Variants in ROBO2 observed in about 807,000 individuals in gnomAD.
ROBO2 encodes roundabout guidance receptor 2.
In ROBO2, 53 loss-of-function variants were observed where a neutral mutation model predicts 160.8. The observed-to-expected ratio is 0.33, with a 90% CI of 0.26 to 0.41. ROBO2 has a LOEUF of 0.41. Ranked by LOEUF, ROBO2 falls within the 10% of genes least tolerant of loss-of-function variation. The pLI is 1.00. For synonymous variants in ROBO2, 664 were observed against 611.7 expected, an observed-to-expected ratio of 1.09 and a Z score of -1.26; for missense variants, 1,577 against 1,722.4, an observed-to-expected ratio of 0.92 and a Z score of 1.49.
intron 2 of ROBO2, among the ~76,000 whole-genome samples, chr3:76,974,720 T>C (rs1577971437): frequency 6.6e-6 from 1 of 152,330 alleles, no homozygotes; most frequent in South Asian, 2.1e-4. Context: ...GCTCGAAATG[T>C]GCCTCTTTAC....
chr3:76,414,181 C>G (rs1432431141), intron 2 of ROBO2, among the ~76,000 whole-genome samples: 1 of 152,164 alleles, frequency 6.6e-6, no homozygotes, highest in Admixed American at 6.5e-5. Flanking sequence ...ATGGGGAATT[C>G]TGGGAGATAC....
intron 4 of ROBO2, among the ~76,000 whole-genome samples, chr3:77,491,048 C>T (rs1188353890): frequency 6.6e-6 from 1 of 152,228 alleles, no homozygotes; most frequent in Non-Finnish European, 1.5e-5. Flanking sequence ...CAGGGCAGAG[C>T]TCACAGTCCT....
At position 76,225,318 on chromosome 3, in the gene ROBO2, T is replaced by C. The variant is rs565560971; in HGVS notation, c.109+287716T>C. On this transcript the variant is annotated intron_variant, in intron 2 of 26. Transcript: ENST00000487694. ...TGTCAATGTCTTATGTTATAGCCCA[T>C]TGCAAAATATGTGTGTATTAATTTT... 3.9e-5 allele frequency among the ~76,000 whole-genome samples: 6 copies of C among 152,330 alleles called. No individual in the cohort carries two copies. The South Asian group carries it at 1.0e-3, about 26-fold the overall frequency.
chr3:75,949,608 A>G (rs1948460450), intron 2 of ROBO2, among the ~76,000 whole-genome samples: 1 of 152,212 alleles, frequency 6.6e-6, no homozygotes, highest in South Asian at 2.1e-4. Context: ...CAAAAACTCA[A>G]AACTAACATT....
chr3:77,546,299 G>A, intron 6 of ROBO2, 39 bp from the exon 8 acceptor site: 1 of 1,608,978 alleles, frequency 6.2e-7, no homozygotes, highest in East Asian at 2.2e-5. Context: ...ATTTGTCTAT[G>A]GTTGATATTT....
intron 2 of ROBO2, among the ~76,000 whole-genome samples, chr3:76,980,920 AATTGATT>A (rs1274434223): frequency 6.6e-6 from 1 of 152,198 alleles, no homozygotes; most frequent in Non-Finnish European, 1.5e-5. Flanking sequence ...ATTTTATGTA[AATTGATT>A]CATATAATAT....
At chr3:77,051,292 T>C (rs2065207339) in intron 1 of ROBO2, among the ~76,000 whole-genome samples, 1 of 152,222 alleles carries the variant, frequency 6.6e-6, no homozygotes, top group Non-Finnish European at 1.5e-5. Flanking sequence ...GTACAACATG[T>C]GGGTACAGAT....
At chr3:76,938,331 AGACAGAGCAAGACTCC>A (rs2077874968) in intron 2 of ROBO2, among the ~76,000 whole-genome samples, 4 of 151,614 alleles carry the variant, frequency 2.6e-5, no homozygotes, top group Non-Finnish European at 5.9e-5. Context: ...TCCAGCCTGG[AGACAGAGCAAGACTCC>A]GTCCCCCACC....
At chr3:76,314,630 G>T (rs1198770921) in intron 2 of ROBO2, among the ~76,000 whole-genome samples, 3 of 151,860 alleles carry the variant, frequency 2.0e-5, no homozygotes, top group Non-Finnish European at 4.4e-5. Context: ...ATTTTATGAT[G>T]CTCCACTTTC....
intron 2 of ROBO2, among the ~76,000 whole-genome samples, chr3:77,237,442 T>TGTGTGTGTGTG (rs892468313): frequency 6.6e-6 from 1 of 150,696 alleles, no homozygotes; most frequent in African/African-American, 2.4e-5. Flanking sequence ...TGTGTGTGTG[T>TGTGTGTGTGTG]GTGGTGGTGA....
chr3:76,709,791 A>C (rs1468939987), intron 2 of ROBO2, among the ~76,000 whole-genome samples: 1 of 152,222 alleles, frequency 6.6e-6, no homozygotes, highest in African/African-American at 2.4e-5. Context: ...GTATATTTGC[A>C]AAAATAAAAT....
At chr3:77,261,872 A>G (rs1370497985) in intron 2 of ROBO2, among the ~76,000 whole-genome samples, 1 of 151,686 alleles carries the variant, frequency 6.6e-6, no homozygotes, top group Non-Finnish European at 1.5e-5. Context: ...GGCTCAAGCA[A>G]TCTTCCCACC....
At chr3:76,449,276 G>C (rs1303994747) in intron 2 of ROBO2, among the ~76,000 whole-genome samples, 1 of 152,090 alleles carries the variant, frequency 6.6e-6, no homozygotes, top group East Asian at 1.9e-4. Flanking sequence ...AGGATGAAGT[G>C]TATGAGCTAA....
intron 2 of ROBO2, among the ~76,000 whole-genome samples, chr3:76,726,681 C>A (rs1576264370): frequency 6.6e-6 from 1 of 152,166 alleles, no homozygotes; most frequent in East Asian, 1.9e-4. Context: ...CTGAAATAAT[C>A]CTTTCCTAAA....
intron 2 of ROBO2, among the ~76,000 whole-genome samples, chr3:76,004,978 A>G (rs2107583149): frequency 6.6e-6 from 1 of 152,304 alleles, no homozygotes; most frequent in Non-Finnish European, 1.5e-5. Context: ...TAGGTCATAA[A>G]GGCTGAAGCC....
intron 2 of ROBO2, among the ~76,000 whole-genome samples, chr3:76,360,948 T>C (rs1378867562): frequency 1.3e-5 from 2 of 152,008 alleles, no homozygotes; most frequent in African/African-American, 4.8e-5. Flanking sequence ...CCATATCAGG[T>C]CTTACCTATT....
At chr3:77,595,505 T>C (rs1056192276) in intron 18 of ROBO2, among the ~76,000 whole-genome samples, 1 of 152,212 alleles carries the variant, frequency 6.6e-6, no homozygotes, top group Non-Finnish European at 1.5e-5. Flanking sequence ...AGACTCCTTA[T>C]AGGCTCTCAC....
chr3:77,544,454 T>C (rs536754112), intron 6 of ROBO2, among the ~76,000 whole-genome samples: 2 of 152,228 alleles, frequency 1.3e-5, no homozygotes, highest in South Asian at 4.1e-4. Context: ...AGTAGATTTA[T>C]CCCATCTGTC....
intron 2 of ROBO2, among the ~76,000 whole-genome samples, chr3:75,973,672 A>ATGTTTCT (rs2107381010): frequency 6.6e-6 from 1 of 151,790 alleles, no homozygotes; most frequent in South Asian, 2.1e-4. Flanking sequence ...AAGAAAAGGA[A>ATGTTTCT]ACTAATTTTA....
Sources: allele counts gnomAD v4.1 joint callset (sites outside exome capture counted in the v4.1 genomes callset), GRCh38; gene constraint gnomAD v4.1.1; transcripts MANE v1.5; gene names NCBI Gene and HGNC (gene_info 2026-07-23, HGNC 2026-07-21).